Variants in PDE4B observed in about 807,000 individuals in gnomAD.
The protein encoded by PDE4B is phosphodiesterase 4B.
In PDE4B, 20 loss-of-function variants were observed where a neutral mutation model predicts 82.2. That is an observed-to-expected ratio of 0.24 (90% CI 0.17 to 0.35). The LOEUF is 0.35. PDE4B is among the 10% of genes least tolerant of loss of function. PDE4B has a pLI of 1.00. For synonymous variants in PDE4B, 320 were observed against 318.9 expected, an observed-to-expected ratio of 1.00 and a Z score of -0.04; for missense variants, 655 against 907.2, an observed-to-expected ratio of 0.72 and a Z score of 3.57.
chr1:66,016,991 A>G (rs2100755480), intron 3 of PDE4B, among the ~76,000 whole-genome samples: 1 of 152,336 alleles, frequency 6.6e-6, no homozygotes, highest in Middle Eastern at 3.4e-3. Context: ...TTGCAGAGAA[A>G]ACAACAGAGT....
At chr1:66,126,365 T>C (rs1257991627) in intron 3 of PDE4B, among the ~76,000 whole-genome samples, 3 of 152,180 alleles carry the variant, frequency 2.0e-5, no homozygotes, top group African/African-American at 4.8e-5. Context: ...TACAAATAAA[T>C]TATTTCAGAG....
chr1:66,139,745 A>AC (rs1557589041), intron 3 of PDE4B, among the ~76,000 whole-genome samples: 1 of 148,910 alleles, frequency 6.7e-6, no homozygotes, highest in Non-Finnish European at 1.5e-5. Flanking sequence ...CAAAAAAAAA[A>AC]AAAAAAACAA....
chr1:65,905,322 C>T (rs1425677636), intron 1 of PDE4B, among the ~76,000 whole-genome samples: 1 of 152,064 alleles, frequency 6.6e-6, no homozygotes, highest in Non-Finnish European at 1.5e-5. Context: ...AAGTTGAAGA[C>T]ATGTTATAGT....
intron 2 of PDE4B, among the ~76,000 whole-genome samples, chr1:65,915,739 C>T (rs913186689): frequency 6.6e-6 from 1 of 152,150 alleles, no homozygotes; most frequent in East Asian, 1.9e-4. Flanking sequence ...CAGGATTTTA[C>T]ACTACCTTTT....
chr1:66,247,484 C>G lies in PDE4B; in HGVS notation c.306C>G (p.Ser102=), dbSNP rs1653408814. ...GCTTTGATGTGGAAAATGGCCCTTCCCCAGGTCGGAGTCCACTGGATCCCC... is the reference window on the plus strand; with the variant it reads ...GCTTTGATGTGGAAAATGGCCCTTCGCCAGGTCGGAGTCCACTGGATCCCC... ...QECFDVENGP[S]PGRSPLDPQA... Residue 102 remains serine (S), a synonymous_variant, in exon 4 of 17, where the codon TCC becomes TCG. Transcript: ENST00000341517. The G allele has an allele frequency of 3.2e-6, 5 of 1,584,384 alleles. No individual in the cohort carries two copies. The highest frequency in any genetic ancestry group is 1.9e-5 in the Admixed American group (1 of 52,994).
intron 1 of PDE4B, among the ~76,000 whole-genome samples, chr1:65,879,283 G>A (rs2100335979): frequency 6.6e-6 from 1 of 152,262 alleles, no homozygotes; most frequent in South Asian, 2.1e-4. Flanking sequence ...GATAACTACT[G>A]TGTAGCAGGT....
chr1:66,195,624 T>C (rs1054767768), intron 3 of PDE4B, among the ~76,000 whole-genome samples: 5 of 152,192 alleles, frequency 3.3e-5, no homozygotes, highest in African/African-American at 1.2e-4. Flanking sequence ...TTGGGACAAT[T>C]ACTTAGCTTT....
At chr1:66,009,151 A>G (rs1200841726) in intron 3 of PDE4B, among the ~76,000 whole-genome samples, 1 of 152,178 alleles carries the variant, frequency 6.6e-6, no homozygotes, top group Non-Finnish European at 1.5e-5. Context: ...GTAAAATGCA[A>G]TTCAATTTTT....
chr1:65,850,343 C>T (rs568756117), intron 1 of PDE4B, among the ~76,000 whole-genome samples: 59 of 152,062 alleles, frequency 3.9e-4, no homozygotes, highest in Middle Eastern at 3.4e-3. Flanking sequence ...GTGATCCACC[C>T]ACCTCAGCCT....
Position 66,199,794 on chromosome 1 carries a change from G to T in PDE4B, c.282-47666G>T, listed in dbSNP as rs560734428. 3.3e-5 allele frequency among the ~76,000 whole-genome samples: 5 copies of T among 152,204 alleles called. No individual in the cohort carries two copies. In the East Asian group the frequency reaches 5.8e-4, roughly 18 times the overall value. On this transcript the variant is annotated intron_variant, in intron 3 of 16. Transcript: ENST00000341517. ...CTATTTGGTAATTTCAAGAGGGACT[G>T]CAGCAACATAGGTTGATGGTAGTTT...
At chr1:66,197,121 T>C (rs1648384917) in intron 3 of PDE4B, among the ~76,000 whole-genome samples, 1 of 152,136 alleles carries the variant, frequency 6.6e-6, no homozygotes, top group African/African-American at 2.4e-5. Flanking sequence ...CCGCAGTCCC[T>C]CTTGAAATTA....
At chr1:66,167,922 A>G (rs908757741) in intron 3 of PDE4B, among the ~76,000 whole-genome samples, 3 of 152,340 alleles carry the variant, frequency 2.0e-5, no homozygotes, top group East Asian at 1.9e-4. Flanking sequence ...ATTAGATTAA[A>G]TGTAACATAT....
At chr1:65,821,813 A>C (rs1203776636) in intron 1 of PDE4B, among the ~76,000 whole-genome samples, 1 of 152,142 alleles carries the variant, frequency 6.6e-6, no homozygotes, top group East Asian at 1.9e-4. Context: ...CACCCTTAAA[A>C]CTTATCCCTG....
intron 3 of PDE4B, among the ~76,000 whole-genome samples, chr1:65,938,491 G>A (rs914632720): frequency 6.6e-6 from 1 of 152,136 alleles, no homozygotes; most frequent in African/African-American, 2.4e-5. Context: ...CAAATGTGTG[G>A]TTATTTCAGA....
chr1:66,037,444 G>C (rs1654127701), intron 3 of PDE4B, among the ~76,000 whole-genome samples: 1 of 152,070 alleles, frequency 6.6e-6, no homozygotes, highest in African/African-American at 2.4e-5. Context: ...ACATACCACT[G>C]ATTTTTGTAA....
At chr1:66,106,870 T>G (rs1294574016) in intron 3 of PDE4B, among the ~76,000 whole-genome samples, 1 of 107,584 alleles carries the variant, frequency 9.3e-6, no homozygotes, top group African/African-American at 3.0e-5. Context: ...TCAATTTTGT[T>G]GATCCTTTCA....
At chr1:65,930,618 C>T (rs1458203417) in intron 3 of PDE4B, among the ~76,000 whole-genome samples, 1 of 152,212 alleles carries the variant, frequency 6.6e-6, no homozygotes, top group African/African-American at 2.4e-5. Context: ...TTAATGACCA[C>T]CCTGCTGGGT....
At chr1:66,123,182 T>C (rs1645748563) in intron 3 of PDE4B, among the ~76,000 whole-genome samples, 1 of 152,210 alleles carries the variant, frequency 6.6e-6, no homozygotes, top group African/African-American at 2.4e-5. Flanking sequence ...TTGATTCCTT[T>C]TTTTGAAGAC....
At chr1:66,205,628 A>G (rs1649484600) in intron 3 of PDE4B, among the ~76,000 whole-genome samples, 1 of 152,264 alleles carries the variant, frequency 6.6e-6, no homozygotes, top group Admixed American at 6.5e-5. Context: ...AATAATATAT[A>G]TTAAACCTGT....
Sources: allele counts gnomAD v4.1 joint callset (sites outside exome capture counted in the v4.1 genomes callset), GRCh38; gene constraint gnomAD v4.1.1; transcripts MANE v1.5; gene names NCBI Gene and HGNC (gene_info 2026-07-23, HGNC 2026-07-21).